The following RGS6 variants were observed in gnomAD, a reference collection of about 807,000 sequenced individuals.
The protein encoded by RGS6 is regulator of G protein signaling 6, also known as regulator of G-protein signaling 6.
In RGS6, 30 loss-of-function variants were observed where a neutral mutation model predicts 78.5. The ratio of observed to expected loss-of-function variants is 0.38; its 90% CI spans 0.29 to 0.52. The LOEUF (loss-of-function observed/expected upper bound fraction) is 0.52. Ranked by LOEUF, RGS6 falls within the 20% of genes least tolerant of loss-of-function variation. The pLI is 0.85. For synonymous variants in RGS6, 206 were observed against 206.0 expected (o/e 1.00, Z 0.00); for missense variants, 495 against 609.7 (o/e 0.81, Z 1.98).
intron 2 of RGS6, among the ~76,000 whole-genome samples, chr14:72,199,025 T>C (rs1402921763): frequency 6.6e-6 from 1 of 152,204 alleles, no homozygotes; most frequent in Non-Finnish European, 1.5e-5. Flanking sequence ...TAAGGGGACT[T>C]TGAGTTCCCT....
intron 2 of RGS6, among the ~76,000 whole-genome samples, chr14:72,106,386 G>T (rs930862399): frequency 3.3e-5 from 5 of 152,118 alleles, no homozygotes; most frequent in African/African-American, 1.2e-4. Context: ...ATGGAGGTGG[G>T]GTGTTTATTT....
At chr14:72,230,966 C>T (rs1386352072) in intron 2 of RGS6, among the ~76,000 whole-genome samples, 2 of 152,204 alleles carry the variant, frequency 1.3e-5, no homozygotes, top group East Asian at 3.8e-4. Flanking sequence ...AGCCAGTCTG[C>T]ATGACACTAG....
chr14:72,499,800 C>T (rs763443024), intron 13 of RGS6, among the ~76,000 whole-genome samples: 19 of 152,268 alleles, frequency 1.2e-4, no homozygotes, highest in Admixed American at 5.9e-4. Context: ...CACTGGTGTC[C>T]CTTCCTCAGA....
At chr14:72,202,122 G>A (rs1477554199) in intron 2 of RGS6, among the ~76,000 whole-genome samples, 2 of 152,176 alleles carry the variant, frequency 1.3e-5, no homozygotes, top group Non-Finnish European at 2.9e-5. Flanking sequence ...AGCTAGCTAA[G>A]AAATATTTGA....
intron 2 of RGS6, among the ~76,000 whole-genome samples, chr14:72,012,854 C>A (rs113831117): frequency 1.2e-4 from 19 of 152,266 alleles, no homozygotes; most frequent in African/African-American, 4.6e-4. Flanking sequence ...ACCAACATTG[C>A]TGGGTGGTTG....
At chr14:71,870,424 G>A in the RGS6 span, among the ~76,000 whole-genome samples, 1 of 152,108 alleles carries the variant, frequency 6.6e-6, no homozygotes, top group African/African-American at 2.4e-5. Flanking sequence ...GTGTTTTGGG[G>A]TATAGGAGGG....
At chr14:72,152,110 A>G (rs2096699055) in intron 2 of RGS6, among the ~76,000 whole-genome samples, 1 of 152,200 alleles carries the variant, frequency 6.6e-6, no homozygotes, top group South Asian at 2.1e-4. Flanking sequence ...TGACACATAC[A>G]GTTAAGTGGT....
chr14:72,245,296 G>T lies in RGS6; in HGVS notation c.85-106799G>T, dbSNP rs189440124. On this transcript the variant is annotated intron_variant, in intron 2 of 17. Transcript: ENST00000553525. ...ACCCAGCGGTACTAGAGGAATTAAA[G>T]ATATACACACAGAAATATAGAGGTG... 3.1e-3 allele frequency among the ~76,000 whole-genome samples: 466 copies of T among 152,328 alleles called. 1 individual carries two copies. Among genetic ancestry groups the T allele is most frequent in the African/African-American group, 0.011 (450 of 41,560 alleles).
intron 2 of RGS6, among the ~76,000 whole-genome samples, chr14:72,295,419 C>G (rs76271794): frequency 6.6e-6 from 1 of 152,072 alleles, no homozygotes; most frequent in East Asian, 1.9e-4. Flanking sequence ...CCTCAGTAAC[C>G]CCCTCCCCAG....
At chr14:72,491,143 T>C (rs1250858700) in intron 12 of RGS6, among the ~76,000 whole-genome samples, 1 of 152,238 alleles carries the variant, frequency 6.6e-6, no homozygotes, top group Non-Finnish European at 1.5e-5. Context: ...ACTTTGCTGT[T>C]GTGGGAGAAG....
intron 13 of RGS6, among the ~76,000 whole-genome samples, chr14:72,495,536 A>G (rs1319456266): frequency 2.0e-5 from 3 of 152,142 alleles, no homozygotes; most frequent in Non-Finnish European, 4.4e-5. Context: ...CTGGAAGAAA[A>G]GAATCTGTTG....
chr14:72,208,880 A>T (rs1170637492), intron 2 of RGS6, among the ~76,000 whole-genome samples: 1 of 152,194 alleles, frequency 6.6e-6, no homozygotes, highest in African/African-American at 2.4e-5. Flanking sequence ...ATCCCATGAT[A>T]GGTCTATTAC....
chr14:72,590,263 A>G, the RGS6 span, among the ~76,000 whole-genome samples: 1 of 152,268 alleles, frequency 6.6e-6, no homozygotes, highest in Non-Finnish European at 1.5e-5. Flanking sequence ...CTCTTACCAC[A>G]TAACCCAGAA....
chr14:72,231,690 G>T (rs11847225), intron 2 of RGS6, among the ~76,000 whole-genome samples: 17,478 of 152,206 alleles, frequency 0.11, 1,268 homozygotes, highest in East Asian at 0.33. Flanking sequence ...AAACCCTTTC[G>T]GATAAAGTGA....
chr14:72,196,572 T>C (rs1170294181), intron 2 of RGS6, among the ~76,000 whole-genome samples: 1 of 152,170 alleles, frequency 6.6e-6, no homozygotes, highest in African/African-American at 2.4e-5. Flanking sequence ...CTTCCAGAGC[T>C]CTTCTGAAGT....
intron 1 of RGS6, among the ~76,000 whole-genome samples, chr14:71,943,991 TCATATC>T (rs1303037708): frequency 6.6e-6 from 1 of 152,200 alleles, no homozygotes; most frequent in African/African-American, 2.4e-5. Context: ...AAGATCCACT[TCATATC>T]CATGATATAG....
chr14:72,488,428 GCT>G (rs2096528386), intron 12 of RGS6, among the ~76,000 whole-genome samples: 1 of 152,064 alleles, frequency 6.6e-6, no homozygotes, highest in African/African-American at 2.4e-5. Flanking sequence ...CTCACCTTGG[GCT>G]CTCAACCACA....
intron 17 of RGS6, chr14:72,540,879 C>T (rs962976688): frequency 1.0e-6 from 1 of 985,416 alleles, no homozygotes; most frequent in Non-Finnish European, 1.2e-6. Context: ...CACAGTGGCA[C>T]ATAAAGACAG....
At chr14:72,084,764 C>T (rs1234231622) in intron 2 of RGS6, among the ~76,000 whole-genome samples, 1 of 151,656 alleles carries the variant, frequency 6.6e-6, no homozygotes, top group African/African-American at 2.4e-5. Flanking sequence ...CTGAAACTTG[C>T]ACATATATAA....
Sources: gnomAD v4.1 joint callset for allele counts (sites outside exome capture counted in the v4.1 genomes callset) on GRCh38, gnomAD v4.1.1 for gene constraint, MANE v1.5 for transcripts, NCBI Gene and HGNC (gene_info 2026-07-23, HGNC 2026-07-21) for gene names.